Variants in NT5C2 observed in about 807,000 individuals in gnomAD.
NT5C2 encodes the protein cytosolic purine 5'-nucleotidase.
Under a neutral mutation model 76.1 loss-of-function variants are expected in NT5C2, and 58 were observed. The observed-to-expected ratio is 0.76, with a 90% confidence interval of 0.62 to 0.95. NT5C2 has a LOEUF of 0.95. Among genes scored for constraint, NT5C2 ranks in the 40% least tolerant of loss-of-function variants. NT5C2 has a pLI of 0.00. For missense variants in NT5C2, 478 were observed against 690.3 expected (o/e 0.69, Z 3.45); for synonymous variants, 229 against 237.4 (o/e 0.96, Z 0.32).
chr10:103,158,825 A>G (rs1291858112), intron 3 of NT5C2, among the ~76,000 whole-genome samples: 2 of 151,890 alleles, frequency 1.3e-5, no homozygotes, highest in Non-Finnish European at 2.9e-5. Flanking sequence ...TCTAAAAAAA[A>G]AAAAAAAAGA....
intron 2 of NT5C2, among the ~76,000 whole-genome samples, chr10:103,178,342 G>A (rs2090409507): frequency 6.6e-6 from 1 of 152,104 alleles, no homozygotes; most frequent in South Asian, 2.1e-4. Flanking sequence ...GAGCTCAAGA[G>A]TTTGAAAGCC....
At chr10:103,160,475 A>G (rs3977751) in intron 3 of NT5C2, among the ~76,000 whole-genome samples, 62,330 of 152,070 alleles carry the variant, frequency 0.41, 12,987 homozygotes, top group East Asian at 0.56. Context: ...CCCACAGAAC[A>G]GGAGACAATA....
intron 14 of NT5C2, 55 bp from the exon 15 acceptor site, chr10:103,093,364 C>A (rs2067380214): frequency 1.4e-6 from 2 of 1,411,564 alleles, no homozygotes; most frequent in South Asian, 1.5e-5. Flanking sequence ...AATCAGCATT[C>A]CAATAGTATT....
At chr10:103,168,235 C>T (rs939722255) in intron 3 of NT5C2, among the ~76,000 whole-genome samples, 1 of 152,022 alleles carries the variant, frequency 6.6e-6, no homozygotes, top group African/African-American at 2.4e-5. Context: ...AATTCACAAG[C>T]CTAATAACGT....
chr10:103,175,054 A>G (rs2089473123), intron 2 of NT5C2, 72 bp from the exon 3 acceptor site: 1 of 866,698 alleles, frequency 1.2e-6, no homozygotes, highest in Non-Finnish European at 1.8e-6. Context: ...TTTTTTAAAA[A>G]TCAGAAAAAC....
At chr10:103,143,385 A>G (rs190796168) in intron 3 of NT5C2, among the ~76,000 whole-genome samples, 2 of 152,134 alleles carry the variant, frequency 1.3e-5, no homozygotes, top group Non-Finnish European at 2.9e-5. Flanking sequence ...TCTTCTATTG[A>G]TATTTACCTC....
At chr10:103,168,609 A>G (rs2086987254) in intron 3 of NT5C2, among the ~76,000 whole-genome samples, 1 of 152,156 alleles carries the variant, frequency 6.6e-6, no homozygotes. Context: ...AACACATTCC[A>G]CTGAAAGGTT....
intron 3 of NT5C2, among the ~76,000 whole-genome samples, chr10:103,165,016 T>A (rs2086010038): frequency 6.6e-6 from 1 of 152,234 alleles, no homozygotes; most frequent in South Asian, 2.1e-4. Context: ...TCACTGCACA[T>A]TTTTAAGAGC....
intron 4 of NT5C2, among the ~76,000 whole-genome samples, chr10:103,115,407 T>TA (rs927429189): frequency 1.7e-4 from 25 of 147,786 alleles, no homozygotes; most frequent in East Asian, 2.0e-4. Context: ...GTCTCCAGAA[T>TA]AAAAAAAAAA....
intron 14 of NT5C2, 77 bp downstream of exon 14, chr10:103,093,895 C>G: frequency 1.8e-6 from 2 of 1,135,190 alleles, no homozygotes; most frequent in East Asian, 2.3e-5. Flanking sequence ...ATATGTGGCA[C>G]TTTGCTGAGA....
intron 1 of NT5C2, among the ~76,000 whole-genome samples, 199 bp downstream of exon 1, chr10:103,193,037 A>T (rs1273387782): frequency 6.9e-6 from 1 of 144,774 alleles, no homozygotes; most frequent in Non-Finnish European, 1.5e-5. Context: ...GGGAGTTGGG[A>T]GGCGTGCGGC....
rs367849606 is a variant in NT5C2, at chr10:103,094,417, G to A, written c.852C>T (p.Asp284=). 2.5e-6 allele frequency: 4 copies of A among 1,613,682 alleles called. No homozygotes were observed. The highest frequency in any genetic ancestry group is 1.3e-5 in the African/African-American group (1 of 74,848). Residue 284 remains aspartate (D), a synonymous_variant, in exon 13 of 19, where the codon GAC becomes GAT. Transcript: ENST00000404739. Reference sequence around the variant, plus strand: ...GTTTCCGTGCATCCACCAAGATCAAGTCAAAGTAGGACTGCCATGGTCGAT... The same window carrying A: ...GTTTCCGTGCATCCACCAAGATCAAATCAAAGTAGGACTGCCATGGTCGAT... ...SSHRPWQSYF[D]LILVDARKPL... is the part of the protein sequence containing the mutation.
At chr10:103,104,086 T>G (rs3781280) in intron 6 of NT5C2, among the ~76,000 whole-genome samples, 48,680 of 152,098 alleles carry the variant, frequency 0.32, 7,838 homozygotes, top group Middle Eastern at 0.36. Flanking sequence ...GCTCAAGAAG[T>G]CTTCTTGCCT....
intron 3 of NT5C2, among the ~76,000 whole-genome samples, chr10:103,147,720 A>G (rs2081717465): frequency 6.6e-6 from 1 of 152,182 alleles, no homozygotes; most frequent in Admixed American, 6.5e-5. Context: ...AACACCTAAC[A>G]TAGGGCCTTG....
chr10:103,164,205 G>A (rs888052601), intron 3 of NT5C2, among the ~76,000 whole-genome samples: 6 of 152,032 alleles, frequency 3.9e-5, no homozygotes, highest in East Asian at 1.9e-4. Context: ...CTATGATTGC[G>A]CCACTGCACT....
At chr10:103,150,476 G>A (rs564837860) in intron 3 of NT5C2, among the ~76,000 whole-genome samples, 1 of 152,258 alleles carries the variant, frequency 6.6e-6, no homozygotes, top group Non-Finnish European at 1.5e-5. Flanking sequence ...AAATAATGCT[G>A]CTACAAACAG....
chr10:103,108,219 T>G (rs2071910735), intron 4 of NT5C2, among the ~76,000 whole-genome samples: 1 of 152,100 alleles, frequency 6.6e-6, no homozygotes, highest in Non-Finnish European at 1.5e-5. Context: ...AAATGAAATA[T>G]TTAGGTAAGC....
At chr10:103,136,073 C>A (rs914495099) in intron 4 of NT5C2, among the ~76,000 whole-genome samples, 1 of 151,930 alleles carries the variant, frequency 6.6e-6, no homozygotes, top group Non-Finnish European at 1.5e-5. Flanking sequence ...GGAGACAGAG[C>A]GAGACTCTGC....
Position 103,088,974 on chromosome 10 carries a change from TAAG to T in NT5C2, c.*695_*697del, listed in dbSNP as rs1163565006. The T allele has an allele frequency of 1.9e-5, 4 of 208,978 alleles. No individual in the cohort carries two copies. The highest frequency in any genetic ancestry group is 2.3e-5 in the African/African-American group (1 of 43,970). The allele number at this position is 208,978 out of a possible 1,614,324, so 12.9% of individuals were successfully genotyped here. A position where few individuals can be genotyped will look rare whatever the true frequency, so the allele number is the denominator to read the frequency against. ...ATTCTTTCTATAGATTTATCACAGATAAGAAGGAGGTTGTTTTTGGATAACAAA... is the reference window on the plus strand; with the variant it reads ...ATTCTTTCTATAGATTTATCACAGATAAGGAGGTTGTTTTTGGATAACAAA... On this transcript the variant is annotated 3_prime_UTR_variant, in exon 19 of 19. Transcript: ENST00000404739.
Sources: gnomAD v4.1 joint callset for allele counts (sites outside exome capture counted in the v4.1 genomes callset) on GRCh38, gnomAD v4.1.1 for gene constraint, MANE v1.5 for transcripts, NCBI Gene and HGNC (gene_info 2026-07-23, HGNC 2026-07-21) for gene names.